The following CDH13 variants were observed in gnomAD, a reference collection of about 807,000 sequenced individuals.
The protein encoded by CDH13 is cadherin 13, also known as cadherin-13.
CDH13 carries 24 observed loss-of-function variants against 63.8 expected under a neutral mutation model. The ratio of observed to expected loss-of-function variants is 0.38; its 90% confidence interval spans 0.27 to 0.53. The LOEUF (loss-of-function observed/expected upper bound fraction) is 0.53. Ranked by LOEUF, CDH13 falls within the 20% of genes least tolerant of loss-of-function variation. The pLI is 0.85. For missense variants in CDH13, 1,049 were observed against 903.1 expected (o/e 1.16, Z -2.07); for synonymous variants, 503 against 355.3 (o/e 1.42, Z -4.67).
At position 83,260,415 on chromosome 16, in the gene CDH13, A is replaced by G. The variant is rs571109106; in HGVS notation, c.636+42918A>G. On this transcript the variant is annotated intron_variant, in intron 5 of 13. Transcript: ENST00000567109. ...AGAATTAAATTTTTTATTAGTATCT[A>G]TTTCTCATATTTCTCCCCAGCACAG... 1.2e-3 allele frequency among the ~76,000 whole-genome samples: 188 copies of G among 152,118 alleles called. 1 individual carries two copies. The highest frequency in any genetic ancestry group is 5.6e-4 in the Non-Finnish European group (38 of 68,018).
chr16:83,075,062 T>C (rs550978662), intron 3 of CDH13, among the ~76,000 whole-genome samples: 1 of 152,264 alleles, frequency 6.6e-6, no homozygotes. Flanking sequence ...CATCCTTGGG[T>C]CCAGCATCCT....
At chr16:83,419,926 T>C in intron 6 of CDH13, among the ~76,000 whole-genome samples, 1 of 111,638 alleles carries the variant, frequency 9.0e-6, no homozygotes, top group East Asian at 2.2e-4. Flanking sequence ...TTTTTTTTTT[T>C]TAAAAAAAAG....
At chr16:82,983,547 C>T (rs1393952992) in intron 2 of CDH13, among the ~76,000 whole-genome samples, 1 of 152,112 alleles carries the variant, frequency 6.6e-6, no homozygotes, top group Non-Finnish European at 1.5e-5. Flanking sequence ...GATGCAAACT[C>T]CTTGGCACCA....
In CDH13 at chr16:83,797,207, T is replaced by C. The variant is rs75619962; in HGVS notation, c.*2177T>C. ...GCGGCTGGTAGCCGGACACATATGC[T>C]AACTGGCAATCAGGAAGTCACCCTC... On this transcript the variant is annotated 3_prime_UTR_variant, in exon 14 of 14. Coordinates refer to ENST00000567109, the MANE Select transcript of CDH13 (RefSeq NM_001257.5). 0.073 allele frequency: 11,052 copies of C among 152,314 alleles called. 503 individuals are homozygous for C. Among genetic ancestry groups the C allele is most frequent in the Non-Finnish European group, 0.11 (7,313 of 68,018 alleles). 9.4% of individuals were successfully genotyped at this position (152,314 alleles called of 1,614,324 possible).
rs1050306680 is a variant in CDH13, at chr16:83,074,492, C to T, written c.366+42274C>T. Among the ~76,000 whole-genome samples, 3 of 152,272 alleles carry T rather than the reference C, an allele frequency of 2.0e-5. 1 individual carries two copies. Among genetic ancestry groups the T allele is most frequent in the Admixed American group, 2.0e-4 (3 of 15,288 alleles). ...TGTATCCCTTTGATAGACTGATTTT[C>T]TTTCCTTGGTATAAATACCAAGTAG... is the stretch of plus-strand genomic sequence containing the variant. On this transcript the variant is annotated intron_variant, in intron 3 of 13. Coordinates refer to ENST00000567109, the MANE Select transcript of CDH13 (RefSeq NM_001257.5).
chr16:83,576,225 A>G (rs554039167), intron 7 of CDH13, among the ~76,000 whole-genome samples: 2 of 152,346 alleles, frequency 1.3e-5, no homozygotes, highest in South Asian at 2.1e-4. Context: ...GGATTTATCC[A>G]TTCTGGACCT....
chr16:83,659,003 T>A (rs1338088395), intron 8 of CDH13, among the ~76,000 whole-genome samples: 16 of 139,738 alleles, frequency 1.1e-4, no homozygotes, highest in Admixed American at 1.1e-3. Context: ...CCAGGTCCCA[T>A]GTCCTCACCA....
At chr16:82,628,003 A>G (rs1424782460) in intron 1 of CDH13, among the ~76,000 whole-genome samples, 1 of 152,220 alleles carries the variant, frequency 6.6e-6, no homozygotes, top group East Asian at 1.9e-4. Flanking sequence ...GGGCACGCCA[A>G]CCAGGAGAGG....
At chr16:83,678,533 T>C (rs1342030723) in intron 10 of CDH13, 72 bp downstream of exon 10, 4 of 1,574,110 alleles carry the variant, frequency 2.5e-6, no homozygotes, top group Admixed American at 3.5e-5. Context: ...TCGCAGAAGC[T>C]GGTTGTCAGG....
At chr16:83,740,892 A>C (rs962456812) in intron 10 of CDH13, among the ~76,000 whole-genome samples, 5 of 152,230 alleles carry the variant, frequency 3.3e-5, no homozygotes, top group African/African-American at 7.2e-5. Flanking sequence ...AAATTTGCTA[A>C]TTTCAAGGAA....
intron 5 of CDH13, among the ~76,000 whole-genome samples, chr16:83,219,003 C>T (rs2039619309): frequency 6.6e-6 from 1 of 152,186 alleles, no homozygotes; most frequent in Admixed American, 6.5e-5. Flanking sequence ...CCATGTGGAA[C>T]TGTGAGTTCA....
At chr16:83,395,872 G>A (rs1477004430) in intron 6 of CDH13, among the ~76,000 whole-genome samples, 1 of 152,130 alleles carries the variant, frequency 6.6e-6, no homozygotes, top group African/African-American at 2.4e-5. Context: ...GTGTCAAGGG[G>A]AGTTGTTGTA....
intron 7 of CDH13, among the ~76,000 whole-genome samples, chr16:83,543,567 A>G (rs1162619643): frequency 1.3e-5 from 2 of 152,178 alleles, no homozygotes; most frequent in South Asian, 2.1e-4. Context: ...AGCAACCTCT[A>G]GCTTGGTCTT....
chr16:82,652,159 C>T (rs1485415014), intron 1 of CDH13, among the ~76,000 whole-genome samples: 2 of 152,216 alleles, frequency 1.3e-5, no homozygotes, highest in Admixed American at 1.3e-4. Flanking sequence ...GAAAAGAGGT[C>T]ATCAGATTGT....
At chr16:83,419,516 A>G (rs2071651887) in intron 6 of CDH13, among the ~76,000 whole-genome samples, 1 of 152,202 alleles carries the variant, frequency 6.6e-6, no homozygotes, top group African/African-American at 2.4e-5. Flanking sequence ...TTCTATAATG[A>G]TAGCCAACCA....
intron 10 of CDH13, chr16:83,710,444 T>C (rs570455557): frequency 6.6e-6 from 1 of 152,304 alleles, no homozygotes; most frequent in East Asian, 1.9e-4. Context: ...AGTGCTGGCA[T>C]GGAACTTGGG....
At chr16:83,017,012 C>T (rs906251533) in intron 2 of CDH13, among the ~76,000 whole-genome samples, 2 of 152,140 alleles carry the variant, frequency 1.3e-5, no homozygotes, top group Non-Finnish European at 2.9e-5. Context: ...TCCGTAGGAA[C>T]TTCAAATCTC....
At chr16:83,399,019 A>G (rs1389710675) in intron 6 of CDH13, among the ~76,000 whole-genome samples, 2 of 152,228 alleles carry the variant, frequency 1.3e-5, no homozygotes, top group African/African-American at 2.4e-5. Flanking sequence ...TGATGAAGCT[A>G]ACACTCAAAG....
intron 4 of CDH13, among the ~76,000 whole-genome samples, chr16:83,210,821 G>T (rs1424551915): frequency 6.6e-6 from 1 of 151,704 alleles, no homozygotes; most frequent in East Asian, 1.9e-4. Context: ...TGGCAGTGGG[G>T]GATCCTGGAT....
Sources: gnomAD v4.1 joint callset for allele counts (sites outside exome capture counted in the v4.1 genomes callset) on GRCh38, gnomAD v4.1.1 for gene constraint, MANE v1.5 for transcripts, NCBI Gene and HGNC (gene_info 2026-07-23, HGNC 2026-07-21) for gene names.